The following LYST variants were observed in gnomAD, a reference collection of about 807,000 sequenced individuals.
LYST encodes lysosomal-trafficking regulator.
A neutral mutation model predicts 413.6 loss-of-function variants in LYST; 192 were observed. That is an observed-to-expected ratio of 0.46 (90% CI 0.41 to 0.52). The LOEUF is 0.52. LYST is among the 20% of genes least tolerant of loss of function. LYST has a pLI of 0.00. For synonymous variants in LYST, 1,525 were observed against 1,567.3 expected, an observed-to-expected ratio of 0.97 and a Z score of 0.64; for missense variants, 3,815 against 4,499.9, an observed-to-expected ratio of 0.85 and a Z score of 4.35.
intron 16 of LYST, among the ~76,000 whole-genome samples, chr1:235,780,289 G>A (rs1319119742): frequency 1.3e-5 from 2 of 151,574 alleles, no homozygotes; most frequent in African/African-American, 2.4e-5. Context: ...CCACAGGCCC[G>A]GCCACTTGGG....
At chr1:235,799,451 T>C (rs1671946163) in intron 10 of LYST, among the ~76,000 whole-genome samples, 1 of 152,164 alleles carries the variant, frequency 6.6e-6, no homozygotes, top group South Asian at 2.1e-4. Context: ...TCACCAGTAG[T>C]AAGATCCAGA....
chr1:235,819,515 T>C (rs750735582), intron 3 of LYST, among the ~76,000 whole-genome samples: 5 of 152,192 alleles, frequency 3.3e-5, no homozygotes, highest in Non-Finnish European at 7.4e-5. Context: ...TGTTCCCTCA[T>C]GACATCCAAG....
intron 50 of LYST, among the ~76,000 whole-genome samples, chr1:235,666,609 C>T (rs1658501465): frequency 7.4e-6 from 1 of 135,366 alleles, no homozygotes; most frequent in South Asian, 2.5e-4. Flanking sequence ...CACACACATA[C>T]ACACACACAC....
At chr1:235,810,950 G>C (rs972368718) in intron 4 of LYST, among the ~76,000 whole-genome samples, 2 of 152,116 alleles carry the variant, frequency 1.3e-5, no homozygotes, top group Admixed American at 1.3e-4. Context: ...TTTGAGACCA[G>C]CCTGGCCAAC....
intron 1 of LYST, among the ~76,000 whole-genome samples, chr1:235,862,108 A>G (rs1237588897): frequency 6.6e-6 from 1 of 152,236 alleles, no homozygotes; most frequent in Admixed American, 6.5e-5. Context: ...TGACCTTCCA[A>G]GCAATCAGGA....
At chr1:235,691,519 G>A (rs1451739948) in intron 47 of LYST, among the ~76,000 whole-genome samples, 4 of 152,126 alleles carry the variant, frequency 2.6e-5, no homozygotes, top group Admixed American at 2.6e-4. Context: ...AATGACAAAG[G>A]TGAGTGAACA....
chr1:235,717,237 G>A (rs1662925851), intron 40 of LYST, among the ~76,000 whole-genome samples: 1 of 152,158 alleles, frequency 6.6e-6, no homozygotes, highest in Non-Finnish European at 1.5e-5. Context: ...AGCCTAGTTA[G>A]TTAAAACTGA....
intron 18 of LYST, among the ~76,000 whole-genome samples, chr1:235,774,612 C>T (rs550181852): frequency 2.6e-5 from 4 of 152,260 alleles, no homozygotes; most frequent in African/African-American, 9.6e-5. Context: ...AAGCAAAGAT[C>T]TCATCAATCT....
chr1:235,711,639 C>T (rs1662410267), intron 43 of LYST, among the ~76,000 whole-genome samples: 1 of 152,108 alleles, frequency 6.6e-6, no homozygotes, highest in African/African-American at 2.4e-5. Flanking sequence ...TTAGATAATT[C>T]TGGGCAGAGT....
chr1:235,690,633 T>C (rs1173751783), intron 47 of LYST, among the ~76,000 whole-genome samples: 1 of 152,232 alleles, frequency 6.6e-6, no homozygotes, highest in African/African-American at 2.4e-5. Context: ...GTCAGGGATA[T>C]TGAGGGTTAT....
intron 3 of LYST, among the ~76,000 whole-genome samples, chr1:235,813,580 T>C (rs935470192): frequency 6.6e-6 from 1 of 152,228 alleles, no homozygotes; most frequent in African/African-American, 2.4e-5. Flanking sequence ...GCATACTATG[T>C]CCACAAAAAT....
intron 11 of LYST, among the ~76,000 whole-genome samples, chr1:235,792,665 A>ATTT (rs57005666): frequency 1.0e-4 from 13 of 124,784 alleles, no homozygotes; most frequent in African/African-American, 3.2e-4. Context: ...TCATGTTTAG[A>ATTT]TTTTTTTTTT....
At chr1:235,770,995 A>G (rs1668611819) in intron 19 of LYST, among the ~76,000 whole-genome samples, 1 of 152,238 alleles carries the variant, frequency 6.6e-6, no homozygotes, top group African/African-American at 2.4e-5. Context: ...TGACCTTTCA[A>G]TAAAGCTTTT....
At chr1:235,857,718 T>C (rs549641167) in intron 1 of LYST, among the ~76,000 whole-genome samples, 4 of 140,960 alleles carry the variant, frequency 2.8e-5, no homozygotes, top group African/African-American at 1.1e-4. Flanking sequence ...CACACACACG[T>C]ATATATACAC....
At chr1:235,830,483 A>C (rs1036080432) in intron 2 of LYST, 59 bp from the exon 3 acceptor site, 6 of 1,314,040 alleles carry the variant, frequency 4.6e-6, no homozygotes, top group Non-Finnish European at 6.4e-6. Flanking sequence ...ATTTACTTTT[A>C]AAACTATGTG....
intron 40 of LYST, among the ~76,000 whole-genome samples, chr1:235,719,614 C>T (rs1277646921): frequency 4.4e-5 from 6 of 134,888 alleles, no homozygotes; most frequent in African/African-American, 1.8e-4. Flanking sequence ...CTCCTCTCAA[C>T]CATGCAGAAT....
rs781264264 is a variant in LYST at position 235,759,259 on chromosome 1, T to C, written c.6594A>G (p.Pro2198=). The C allele has an allele frequency of 6.2e-7, 1 of 1,614,180 alleles. No homozygotes were observed. The highest frequency in any genetic ancestry group is 8.5e-7 in the Non-Finnish European group (1 of 1,180,016). ...SDVPKGVLGF[P]VVKADHKQLG... The stretch of plus-strand genomic sequence containing the variant: ...ACTGTTTATGATCTGCTTTGACCAC[T>C]GGAAATCCCAGCACTCCCTTTGGGA... The change falls in exon 23 of 53, where the codon CCA becomes CCG. Residue 2198 remains proline, a synonymous_variant. Coordinates refer to ENST00000389793, the MANE Select transcript of LYST (RefSeq NM_000081.4).
chr1:235,685,612 G>A (rs935254817), intron 48 of LYST, among the ~76,000 whole-genome samples: 1 of 152,098 alleles, frequency 6.6e-6, no homozygotes, highest in East Asian at 1.9e-4. Context: ...TTTGGAGGCC[G>A]AGGCGGGTGG....
chr1:235,856,884 G>C (rs959404790), intron 1 of LYST, among the ~76,000 whole-genome samples: 1 of 151,498 alleles, frequency 6.6e-6, no homozygotes, highest in Non-Finnish European at 1.5e-5. Context: ...TGAAAAGTAG[G>C]ATAAGAGTGA....
Sources: allele counts gnomAD v4.1 joint callset (sites outside exome capture counted in the v4.1 genomes callset), GRCh38; gene constraint gnomAD v4.1.1; transcripts MANE v1.5; gene names NCBI Gene and HGNC (gene_info 2026-07-23, HGNC 2026-07-21).